GPC5: variants seen among roughly 807,000 people sequenced by gnomAD.
The protein encoded by GPC5 is glypican-5.
A neutral mutation model predicts 53.9 loss-of-function variants in GPC5; 47 were observed. That is an observed-to-expected ratio of 0.87 (90% CI 0.69 to 1.11). GPC5 has a LOEUF of 1.11. Among genes scored for constraint, GPC5 ranks in the 50% most tolerant of loss-of-function variants. The pLI, the probability that GPC5 is intolerant of heterozygous loss-of-function variation, is 0.00. For missense variants in GPC5, 748 were observed against 713.1 expected (o/e 1.05, Z -0.56); for synonymous variants, 286 against 263.3 (o/e 1.09, Z -0.84).
intron 6 of GPC5, among the ~76,000 whole-genome samples, chr13:92,028,469 T>C (rs1044982827): frequency 2.0e-5 from 3 of 152,134 alleles, no homozygotes; most frequent in African/African-American, 7.2e-5. Flanking sequence ...TTCTTTTAAT[T>C]TCAGGTGACC....
chr13:92,312,324 T>C (rs2043150387), intron 7 of GPC5, among the ~76,000 whole-genome samples: 1 of 152,128 alleles, frequency 6.6e-6, no homozygotes. Flanking sequence ...GTCCATACTG[T>C]TGAGTGGGGG....
chr13:91,929,063 G>A (rs949429530), intron 6 of GPC5, among the ~76,000 whole-genome samples: 14 of 152,018 alleles, frequency 9.2e-5, no homozygotes, highest in Non-Finnish European at 1.9e-4. Context: ...CTCTTTCTCA[G>A]CCTCAATACT....
intron 7 of GPC5, among the ~76,000 whole-genome samples, chr13:92,768,885 A>G (rs1028054502): frequency 6.6e-6 from 1 of 151,938 alleles, no homozygotes; most frequent in African/African-American, 2.4e-5. Context: ...CTGCTGAACA[A>G]CTTAAATCAG....
chr13:91,475,427 G>C (rs557253425), intron 2 of GPC5, among the ~76,000 whole-genome samples: 9 of 152,192 alleles, frequency 5.9e-5, no homozygotes, highest in Admixed American at 1.3e-4. Flanking sequence ...GGAAAAAATT[G>C]TGTAAAAATA....
At chr13:91,588,644 T>C (rs1283704891) in intron 2 of GPC5, among the ~76,000 whole-genome samples, 1 of 152,184 alleles carries the variant, frequency 6.6e-6, no homozygotes, top group African/African-American at 2.4e-5. Context: ...CCTTTCTTCC[T>C]GCCATTCATC....
chr13:92,741,360 C>T (rs1008330894), intron 7 of GPC5, among the ~76,000 whole-genome samples: 5 of 151,812 alleles, frequency 3.3e-5, no homozygotes, highest in Non-Finnish European at 7.4e-5. Flanking sequence ...GACCCTTTGC[C>T]GTGGGAGGCT....
At chr13:92,365,853 A>G (rs1488914601) in intron 7 of GPC5, among the ~76,000 whole-genome samples, 2 of 151,456 alleles carry the variant, frequency 1.3e-5, no homozygotes, top group Non-Finnish European at 2.9e-5. Context: ...TTCTTTTGGA[A>G]TACTTCTTGA....
At position 92,008,125 on chromosome 13, in the gene GPC5, C is replaced by T. The variant is rs1475592088; in HGVS notation, c.1401+100068C>T. 3.4e-4 allele frequency among the ~76,000 whole-genome samples: 50 copies of T among 147,668 alleles called. 1 individual carries two copies. The highest frequency in any genetic ancestry group is 3.0e-5 in the Non-Finnish European group (2 of 67,548). On this transcript the variant is annotated intron_variant, in intron 6 of 7. Transcript: ENST00000377067. ...TCGCCCAGGCTGGAGTGCAGTGGCG[C>T]AATCTCGGCTCACTGCAAGCTCCGC...
chr13:92,676,821 T>C (rs531259414), intron 7 of GPC5, among the ~76,000 whole-genome samples: 1 of 152,242 alleles, frequency 6.6e-6, no homozygotes, highest in Admixed American at 6.5e-5. Context: ...TAGAGAACAA[T>C]TGAGTAGAAA....
chr13:92,147,842 G>C (rs1019496347), intron 7 of GPC5, among the ~76,000 whole-genome samples: 2 of 152,044 alleles, frequency 1.3e-5, no homozygotes, highest in Non-Finnish European at 2.9e-5. Context: ...AGTAAAGAGG[G>C]ACGAGGAAAG....
chr13:92,576,912 A>G (rs1412829192), intron 7 of GPC5, among the ~76,000 whole-genome samples: 1 of 152,204 alleles, frequency 6.6e-6, no homozygotes, highest in African/African-American at 2.4e-5. Flanking sequence ...TTACAAATTC[A>G]ATGGAGTAAA....
intron 7 of GPC5, among the ~76,000 whole-genome samples, chr13:92,333,119 G>T (rs1046373288): frequency 6.6e-6 from 1 of 152,104 alleles, no homozygotes; most frequent in African/African-American, 2.4e-5. Flanking sequence ...TTGATAAATT[G>T]GTGGGGGCAC....
chr13:91,936,794 C>T (rs562720906), intron 6 of GPC5, among the ~76,000 whole-genome samples: 1 of 152,138 alleles, frequency 6.6e-6, no homozygotes, highest in Non-Finnish European at 1.5e-5. Flanking sequence ...TGAGAGTCTG[C>T]ATCCTTTCCT....
At chr13:91,696,930 C>T (rs552256412) in intron 3 of GPC5, among the ~76,000 whole-genome samples, 4 of 152,270 alleles carry the variant, frequency 2.6e-5, no homozygotes, top group African/African-American at 9.6e-5. Context: ...TCTGTCTCTG[C>T]CTCTTACTAG....
At chr13:91,959,101 C>CACAA (rs3221585) in intron 6 of GPC5, among the ~76,000 whole-genome samples, 52 of 142,500 alleles carry the variant, frequency 3.6e-4, no homozygotes, top group African/African-American at 1.4e-3. Context: ...CACACACACA[C>CACAA]ATCAATGATG....
intron 7 of GPC5, among the ~76,000 whole-genome samples, chr13:92,619,106 A>G (rs1327534821): frequency 6.6e-6 from 1 of 151,902 alleles, no homozygotes; most frequent in Non-Finnish European, 1.5e-5. Context: ...ATAATAAAGA[A>G]AATACTTAAG....
intron 2 of GPC5, among the ~76,000 whole-genome samples, chr13:91,689,121 A>G (rs918574668): frequency 5.5e-5 from 8 of 146,108 alleles, no homozygotes; most frequent in Non-Finnish European, 3.0e-5. Context: ...GGGAGCTATG[A>G]TCCTGGCATC....
chr13:92,563,382 G>A (rs12876730), intron 7 of GPC5, among the ~76,000 whole-genome samples: 21,303 of 151,882 alleles, frequency 0.14, 1,984 homozygotes, highest in Non-Finnish European at 0.21. Flanking sequence ...AACATAAAAA[G>A]AGATCCAAAG....
At chr13:91,654,169 C>A (rs2034790154) in intron 2 of GPC5, among the ~76,000 whole-genome samples, 1 of 152,102 alleles carries the variant, frequency 6.6e-6, no homozygotes, top group Non-Finnish European at 1.5e-5. Context: ...GGTTCCATAT[C>A]GGTGAATTCC....
Sources: allele counts gnomAD v4.1 joint callset (sites outside exome capture counted in the v4.1 genomes callset), GRCh38; gene constraint gnomAD v4.1.1; transcripts MANE v1.5; gene names NCBI Gene and HGNC (gene_info 2026-07-23, HGNC 2026-07-21).